The following PEX7 variants were observed in gnomAD, a reference collection of about 807,000 sequenced individuals.
PEX7 encodes peroxisomal biogenesis factor 7.
PEX7 carries 34 observed loss-of-function variants against 47.5 expected under a neutral mutation model. The observed-to-expected ratio is 0.72, with a 90% CI of 0.54 to 0.95. The LOEUF (loss-of-function observed/expected upper bound fraction) is 0.95, where lower values mean the gene tolerates loss of function less well. PEX7 is among the 40% of genes least tolerant of loss of function. The pLI is 0.00. For synonymous variants in PEX7, 141 were observed against 148.8 expected, an observed-to-expected ratio of 0.95 and a Z score of 0.38; for missense variants, 394 against 400.3, an observed-to-expected ratio of 0.98 and a Z score of 0.13.
At chr6:136,857,398 G>A (rs1774879945) in intron 5 of PEX7, among the ~76,000 whole-genome samples, 2 of 152,170 alleles carry the variant, frequency 1.3e-5, no homozygotes, top group South Asian at 2.1e-4. Context: ...TGAGAAGGAC[G>A]CTGCTAGTGA....
chr6:136,886,168 C>A (rs1775465377), intron 8 of PEX7, among the ~76,000 whole-genome samples: 1 of 152,062 alleles, frequency 6.6e-6, no homozygotes, highest in African/African-American at 2.4e-5. Flanking sequence ...CTTTTGTTGC[C>A]CTCTGCTCCT....
intron 3 of PEX7, among the ~76,000 whole-genome samples, chr6:136,828,734 A>G (rs571855126): frequency 6.6e-6 from 1 of 152,194 alleles, no homozygotes; most frequent in Non-Finnish European, 1.5e-5. Flanking sequence ...AAGCTTTATA[A>G]GATTTTACCA....
chr6:136,845,719 A>G (rs1582744731), intron 4 of PEX7, 27 bp downstream of exon 4: 1 of 1,336,278 alleles, frequency 7.5e-7, no homozygotes, highest in Non-Finnish European at 1.1e-6. Context: ...GTATTCAAAA[A>G]CGAATATTCC....
intron 5 of PEX7, among the ~76,000 whole-genome samples, chr6:136,866,210 T>A (rs1005367119): frequency 2.0e-5 from 3 of 152,082 alleles, no homozygotes; most frequent in Admixed American, 1.3e-4. Flanking sequence ...TAAAAAATTC[T>A]CCATTTTGGC....
intron 8 of PEX7, among the ~76,000 whole-genome samples, chr6:136,876,935 A>G (rs561249255): frequency 3.2e-4 from 48 of 152,304 alleles, no homozygotes; most frequent in African/African-American, 1.2e-3. Context: ...CAATGGTTGA[A>G]CTAATTTACA....
At chr6:136,840,950 T>C (rs1376394689) in intron 3 of PEX7, among the ~76,000 whole-genome samples, 2 of 152,218 alleles carry the variant, frequency 1.3e-5, no homozygotes, top group African/African-American at 4.8e-5. Flanking sequence ...TTATTTTCTG[T>C]TCTCCTTACT....
chr6:136,837,170 C>T (rs1774401858), intron 3 of PEX7, among the ~76,000 whole-genome samples: 1 of 151,700 alleles, frequency 6.6e-6, no homozygotes, highest in South Asian at 2.1e-4. Context: ...ACCATCCTGG[C>T]TAACACGGTG....
At chr6:136,850,998 A>ATTTT (rs71009515) in intron 5 of PEX7, among the ~76,000 whole-genome samples, 1 of 87,238 alleles carries the variant, frequency 1.1e-5, no homozygotes, top group Non-Finnish European at 2.1e-5. Flanking sequence ...TTTATTTTTA[A>ATTTT]TTTTTTTTTT....
Position 136,846,105 on chromosome 6 carries a change from C to T in PEX7, c.450C>T (p.Thr150=), listed in dbSNP as rs1774593832. 1 of 1,613,002 alleles carries T rather than the reference C, an allele frequency of 6.2e-7. No homozygotes were observed. Among genetic ancestry groups the T allele is most frequent in the African/African-American group, 1.3e-5 (1 of 74,852 alleles). The change falls in exon 5 of 10, where the codon ACC becomes ACT. Residue 150 remains threonine, a synonymous_variant. Coordinates refer to ENST00000318471, the MANE Select transcript of PEX7 (RefSeq NM_000288.4). Reference sequence around the variant, plus strand: ...CAACTGTTGGAAAGTCTCTGTGCACCTTTAGAGGCCATGAAAGTATTATTT... The same window carrying T: ...CAACTGTTGGAAAGTCTCTGTGCACTTTTAGAGGCCATGAAAGTATTATTT... ...WDPTVGKSLC[T]FRGHESIIYS... is the part of the protein sequence containing the mutation.
At chr6:136,846,044 A>T in intron 4 of PEX7, 29 bp from the exon 5 acceptor site, 1 of 1,364,992 alleles carries the variant, frequency 7.3e-7, no homozygotes, top group Non-Finnish European at 1.0e-6. Context: ...TTTATCCCTC[A>T]AGTAATTGAT....
intron 8 of PEX7, among the ~76,000 whole-genome samples, chr6:136,885,463 T>C (rs1440102521): frequency 1.3e-5 from 2 of 152,164 alleles, no homozygotes; most frequent in Non-Finnish European, 1.5e-5. Flanking sequence ...TCAGCCACAG[T>C]TTGCGTGATG....
At chr6:136,909,412 AG>A (rs1423247629) in intron 9 of PEX7, among the ~76,000 whole-genome samples, 2 of 152,160 alleles carry the variant, frequency 1.3e-5, no homozygotes, top group South Asian at 4.1e-4. Flanking sequence ...TTATTATGTG[AG>A]GGGCTCTCTC....
chr6:136,897,665 G>A (rs1049566503), intron 8 of PEX7, among the ~76,000 whole-genome samples: 3 of 152,052 alleles, frequency 2.0e-5, no homozygotes, highest in African/African-American at 7.2e-5. Flanking sequence ...TCTAATTGCT[G>A]TTGAAATTTA....
At chr6:136,896,015 G>A (rs1582775910) in intron 8 of PEX7, among the ~76,000 whole-genome samples, 1 of 152,290 alleles carries the variant, frequency 6.6e-6, no homozygotes, top group African/African-American at 2.4e-5. Context: ...TCCTGAATGT[G>A]TGACTTCCCT....
chr6:136,898,899 C>T (rs1251409296), intron 9 of PEX7, among the ~76,000 whole-genome samples: 1 of 151,500 alleles, frequency 6.6e-6, no homozygotes, highest in Non-Finnish European at 1.5e-5. Flanking sequence ...CCTTTAAATA[C>T]AGAGTGTGTG....
intron 8 of PEX7, among the ~76,000 whole-genome samples, chr6:136,882,365 A>G (rs1198912341): frequency 1.3e-5 from 2 of 151,462 alleles, no homozygotes; most frequent in African/African-American, 2.4e-5. Flanking sequence ...TTTAGTAGAG[A>G]CAGGGTTTTA....
At chr6:136,883,433 C>G (rs1015892971) in intron 8 of PEX7, among the ~76,000 whole-genome samples, 2 of 152,082 alleles carry the variant, frequency 1.3e-5, no homozygotes, top group East Asian at 3.9e-4. Flanking sequence ...CATGCTGAAC[C>G]TTTTTCTGTT....
intron 8 of PEX7, among the ~76,000 whole-genome samples, chr6:136,874,090 G>A (rs1052024244): frequency 1.3e-5 from 2 of 151,976 alleles, no homozygotes; most frequent in East Asian, 1.9e-4. Flanking sequence ...TTCTTTTCTC[G>A]TTTTGTTTAA....
rs913951873 is a variant in PEX7, at chr6:136,845,621, A to G, written c.346A>G (p.Ser116Gly). Residue 116 changes from serine to glycine, a missense_variant, in exon 4 of 10, where the codon AGT becomes GGT. Transcript: ENST00000318471. ...VYKEHAQEVY[S>G]VDWSQTRGEQ... ...CACTTTTCAATGTTTTTAGGTGTAT[A>G]GTGTTGATTGGAGCCAAACCAGAGG... 5.6e-6 allele frequency: 9 copies of G among 1,595,584 alleles called. No homozygotes were observed. The African/African-American group carries it at 9.4e-5, about 17-fold the overall frequency.
Sources: gnomAD v4.1 joint callset for allele counts (sites outside exome capture counted in the v4.1 genomes callset) on GRCh38, gnomAD v4.1.1 for gene constraint, MANE v1.5 for transcripts, NCBI Gene and HGNC (gene_info 2026-07-23, HGNC 2026-07-21) for gene names.